The following USP36 variants were observed in gnomAD, a reference collection of about 807,000 sequenced individuals.
The protein encoded by USP36 is ubiquitin specific peptidase 36, also known as ubiquitin carboxyl-terminal hydrolase 36.
A neutral mutation model predicts 111.5 loss-of-function variants in USP36; 59 were observed. That is an observed-to-expected ratio of 0.53 (90% confidence interval 0.43 to 0.66). USP36 has a LOEUF of 0.66. USP36 is among the 30% of genes least tolerant of loss of function. USP36 has a pLI of 0.00. For synonymous variants in USP36, 628 were observed against 581.0 expected (o/e 1.08, Z -1.16); for missense variants, 1,488 against 1,468.0 (o/e 1.01, Z -0.22).
chr17:78,832,494 G>A (rs922554116), intron 4 of USP36, among the ~76,000 whole-genome samples: 7 of 152,244 alleles, frequency 4.6e-5, no homozygotes, highest in African/African-American at 1.7e-4. Context: ...GGAAGACCAG[G>A]CGTTCCCCTT....
chr17:78,788,379 G>A (rs933412201), intron 3 of USP36, among the ~76,000 whole-genome samples: 1 of 152,142 alleles, frequency 6.6e-6, no homozygotes, highest in Non-Finnish European at 1.5e-5. Context: ...TGGCCAGGAT[G>A]GTCTCAATCT....
intron 8 of USP36, among the ~76,000 whole-genome samples, chr17:78,820,662 C>G (rs1209456884): frequency 6.6e-6 from 1 of 152,176 alleles, no homozygotes; most frequent in Non-Finnish European, 1.5e-5. Flanking sequence ...CCAGGTGAGG[C>G]CCACAGAGCC....
chr17:78,807,464 G>A lies in USP36; in HGVS notation c.1580C>T (p.Thr527Ile), dbSNP rs1252407989. The A allele has an allele frequency of 1.9e-6, 3 of 1,614,106 alleles. No homozygotes were observed. In the African/African-American group the frequency reaches 4.0e-5, roughly 22 times the overall value. The change falls in exon 14 of 21, where the codon ACC becomes ATC. Residue 527 changes from threonine (T) to isoleucine (I), a missense_variant. Coordinates refer to ENST00000449938, the MANE Select transcript of USP36 (RefSeq NM_001385174.1). ...CTTCTTTCCAGGGTCGTCTAGGATG[G>A]TTGGCATGTGTGTGGGTGTCTGGGA... ...KLSQTPTHMPTILDDPGKKVK... is the reference protein window; with the variant it reads ...KLSQTPTHMPIILDDPGKKVK...
At chr17:78,791,120 T>A (rs959706468), downstream of USP36, among the ~76,000 whole-genome samples, 3 of 150,194 alleles carry the variant, frequency 2.0e-5, no homozygotes, top group African/African-American at 4.9e-5. Context: ...TGATTCCCAA[T>A]CTGGCCTTCT....
intron 6 of USP36, among the ~76,000 whole-genome samples, chr17:78,823,654 G>T (rs986658296): frequency 6.6e-6 from 1 of 152,168 alleles, no homozygotes; most frequent in African/African-American, 2.4e-5. Flanking sequence ...GCACGCAGCT[G>T]GAGTAGCAGT....
intron 4 of USP36, among the ~76,000 whole-genome samples, chr17:78,831,403 A>C (rs548466062): frequency 4.6e-5 from 7 of 151,906 alleles, no homozygotes; most frequent in Non-Finnish European, 1.0e-4. Context: ...ACGTGAGGTC[A>C]AGAGTTCAAG....
intron 5 of USP36, among the ~76,000 whole-genome samples, chr17:78,827,786 G>A (rs1156512595): frequency 6.6e-6 from 1 of 152,198 alleles, no homozygotes; most frequent in African/African-American, 2.4e-5. Context: ...GCATGTGCCT[G>A]TAGTCCCAGC....
intron 15 of USP36, among the ~76,000 whole-genome samples, chr17:78,804,506 A>C (rs909020984): frequency 7.3e-5 from 11 of 150,924 alleles, no homozygotes; most frequent in East Asian, 1.9e-4. Context: ...AAAAAAAAAA[A>C]AACAAAGTTA....
chr17:78,821,576 T>C (rs113954300), intron 7 of USP36, among the ~76,000 whole-genome samples: 8,724 of 151,236 alleles, frequency 0.058, 808 homozygotes, highest in African/African-American at 0.2. Context: ...TGCAGGCATG[T>C]GCCACCGCGC....
At chr17:78,835,936 T>C (rs2068623983) in intron 3 of USP36, 175 bp downstream of exon 3, 2 of 938,508 alleles carry the variant, frequency 2.1e-6, no homozygotes, top group South Asian at 1.8e-5. Flanking sequence ...CAGATTTCCT[T>C]GCTACCAACC....
At position 78,807,145 on chromosome 17, in the gene USP36, T is replaced by G; in HGVS notation, c.1899A>C (p.Gly633=). 6.2e-7 allele frequency: 1 copy of G among 1,614,188 alleles called. No individual in the cohort carries two copies. The highest frequency in any genetic ancestry group is 8.5e-7 in the Non-Finnish European group (1 of 1,180,038). ...CCTGAGAATCGCAGAGATGGGCCGC[T>G]CCACTCCTGGGGGTCTGGGGGGCCT... ...STKAPQTPRS[G]AAHLCDSQET... The change falls in exon 14 of 21, where the codon GGA becomes GGC. Residue 633 remains glycine, a synonymous_variant. Transcript: ENST00000449938.
At chr17:78,811,824 C>T (rs1013235422) in intron 13 of USP36, among the ~76,000 whole-genome samples, 11 of 151,680 alleles carry the variant, frequency 7.3e-5, no homozygotes, top group Admixed American at 4.6e-4. Flanking sequence ...GCCAAGGTTG[C>T]GCCACTGCAC....
intron 6 of USP36, among the ~76,000 whole-genome samples, chr17:78,824,194 TG>T (rs2067324152): frequency 2.0e-5 from 3 of 152,208 alleles, no homozygotes; most frequent in Admixed American, 1.3e-4. Context: ...CAATGAGCAA[TG>T]GGAAGATGTA....
In USP36 at chr17:78,813,757, G is replaced by A; in HGVS notation, c.1265+16C>T. On this transcript the variant is annotated intron_variant, in intron 12 of 20. Coordinates refer to ENST00000449938, the MANE Select transcript of USP36 (RefSeq NM_001385174.1). ...AGAGGGAGTGAGCTCATCTGGGGAG[G>A]GCGTGAGTTTATTACCGCAGATAGA... 6.2e-7 allele frequency: 1 copy of A among 1,611,326 alleles called. No homozygotes were observed. Among genetic ancestry groups the A allele is most frequent in the African/African-American group, 1.3e-5 (1 of 74,978 alleles).
chr17:78,819,245 G>A (rs1311272507), intron 9 of USP36: 1 of 166,360 alleles, frequency 6.0e-6, no homozygotes, highest in Non-Finnish European at 1.3e-5. Flanking sequence ...GCAGAATTAA[G>A]AATATATTCT....
In USP36 at chr17:78,807,604, G is replaced by A; in HGVS notation, c.1440C>T (p.His480=). 5 of 1,545,898 alleles carry A rather than the reference G, an allele frequency of 3.2e-6. No individual in the cohort carries two copies. Among genetic ancestry groups the A allele is most frequent in the Non-Finnish European group, 4.4e-6 (5 of 1,147,190 alleles). ...TGGGCACACCAATCTCTTCAGTGGT[G>A]TGCGGCTTCTTCATCGTCCCAGAGT... ...RQDSGTMKKP[H]TTEEIGVPIS... is the part of the protein sequence containing the mutation. The change falls in exon 14 of 21, where the codon CAC becomes CAT. Residue 480 remains histidine, a synonymous_variant. Transcript: ENST00000449938.
intron 9 of USP36, 121 bp downstream of exon 9, chr17:78,819,809 C>A: frequency 1.0e-6 from 1 of 954,546 alleles, no homozygotes. Flanking sequence ...CACATAGGTT[C>A]CTCAAGAAAT....
chr17:78,821,196 G>T, intron 7 of USP36, 135 bp from the exon 8 acceptor site: 2 of 732,870 alleles, frequency 2.7e-6, no homozygotes, highest in Middle Eastern at 7.5e-4. Flanking sequence ...AGCCCCTGAA[G>T]CATCCTGGTG....
At chr17:78,821,154 G>A in intron 7 of USP36, 93 bp from the exon 8 acceptor site, 1 of 1,271,278 alleles carries the variant, frequency 7.9e-7, no homozygotes, top group Non-Finnish European at 1.1e-6. Context: ...CAGACTCTCA[G>A]CAGGGCTTTG....
Sources: gnomAD v4.1 joint callset for allele counts (sites outside exome capture counted in the v4.1 genomes callset) on GRCh38, gnomAD v4.1.1 for gene constraint, MANE v1.5 for transcripts, NCBI Gene and HGNC (gene_info 2026-07-23, HGNC 2026-07-21) for gene names.